Variants in GCNT2 observed in about 807,000 individuals in gnomAD.
GCNT2 encodes the protein glucosaminyl (N-acetyl) transferase 2 (I blood group).
GCNT2 carries 34 observed loss-of-function variants against 34.2 expected under a neutral mutation model. The observed-to-expected ratio is 1.00, with a 90% CI of 0.76 to 1.32. The LOEUF (loss-of-function observed/expected upper bound fraction) is 1.32. Ranked by LOEUF, GCNT2 falls within the 40% of genes most tolerant of loss-of-function variation. GCNT2 has a pLI of 0.00. For synonymous variants in GCNT2, 212 were observed against 188.0 expected, an observed-to-expected ratio of 1.13 and a Z score of -1.04; for missense variants, 584 against 489.4, an observed-to-expected ratio of 1.19 and a Z score of -1.82.
At chr6:10,616,271 A>C (rs1765756276) in intron 3 of GCNT2, among the ~76,000 whole-genome samples, 1 of 152,126 alleles carries the variant, frequency 6.6e-6, no homozygotes, top group South Asian at 2.1e-4. Context: ...AAAGTTGCAG[A>C]CCTTCGTGGT....
intron 3 of GCNT2, among the ~76,000 whole-genome samples, chr6:10,544,231 A>G (rs1236603496): frequency 6.6e-6 from 1 of 150,482 alleles, no homozygotes; most frequent in African/African-American, 2.4e-5. Context: ...GGAGAATTGC[A>G]TGAACCCAGG....
chr6:10,610,222 T>C (rs1007693549), intron 3 of GCNT2, among the ~76,000 whole-genome samples: 5 of 152,314 alleles, frequency 3.3e-5, no homozygotes, highest in Middle Eastern at 3.4e-3. Flanking sequence ...TCCTGTACTG[T>C]GCAAAATTTC....
chr6:10,537,714 A>AG (rs1761832452), intron 3 of GCNT2, among the ~76,000 whole-genome samples: 1 of 99,316 alleles, frequency 1.0e-5, no homozygotes, highest in Non-Finnish European at 2.4e-5. Context: ...AAAAAAAAAA[A>AG]AAAAAAAAAA....
At chr6:10,534,717 G>A (rs950879885) in intron 3 of GCNT2, among the ~76,000 whole-genome samples, 7 of 121,756 alleles carry the variant, frequency 5.7e-5, no homozygotes, top group African/African-American at 1.5e-4. Flanking sequence ...TCAAAAAATA[G>A]TCAGGCGTGG....
intron 3 of GCNT2, chr6:10,574,616 A>G (rs1321644499): frequency 4.8e-6 from 1 of 206,992 alleles, no homozygotes; most frequent in Non-Finnish European, 9.7e-6. Flanking sequence ...TATAATCTAG[A>G]GCAGAGATCA....
In GCNT2 at chr6:10,628,685, A is replaced by AC. The variant is rs1283050924; in HGVS notation, c.*2079dup. ...TGGTAAGGGAAGTTTAGATGAGGTC[A>AC]CGAGGGTAGGACCCTCATGATGGGA... is the stretch of plus-strand genomic sequence containing the variant. On this transcript the variant is annotated 3_prime_UTR_variant, in exon 5 of 5. Transcript: ENST00000495262. 6.6e-6 allele frequency: 1 copy of AC among 152,292 alleles called. No homozygotes were observed. The highest frequency in any genetic ancestry group is 1.9e-4 in the East Asian group (1 of 5,186). 9.4% of individuals were successfully genotyped at this position (152,292 alleles called of 1,614,324 possible).
chr6:10,582,292 T>TA (rs563894392), intron 3 of GCNT2, among the ~76,000 whole-genome samples: 123 of 85,584 alleles, frequency 1.4e-3, no homozygotes, highest in African/African-American at 5.9e-3. Flanking sequence ...ATATATAATA[T>TA]TACTATATAT....
chr6:10,593,954 G>A (rs1764747636), intron 3 of GCNT2, among the ~76,000 whole-genome samples: 1 of 152,196 alleles, frequency 6.6e-6, no homozygotes, highest in African/African-American at 2.4e-5. Flanking sequence ...ACTGGTGTTA[G>A]TTTACACTGA....
intron 3 of GCNT2, among the ~76,000 whole-genome samples, chr6:10,614,073 C>G (rs189677789): frequency 6.6e-6 from 1 of 152,194 alleles, no homozygotes; most frequent in East Asian, 1.9e-4. Flanking sequence ...TCAGCCCAAG[C>G]CAAATTAAAT....
intron 3 of GCNT2, among the ~76,000 whole-genome samples, chr6:10,580,253 C>T (rs1365808724): frequency 6.7e-6 from 1 of 149,182 alleles, no homozygotes; most frequent in Non-Finnish European, 1.5e-5. Flanking sequence ...TCCCCTGTGG[C>T]ATTAATTGCC....
intron 3 of GCNT2, among the ~76,000 whole-genome samples, chr6:10,530,826 G>A (rs1761452405): frequency 2.0e-5 from 3 of 152,086 alleles, no homozygotes; most frequent in Admixed American, 6.6e-5. Context: ...AGGCTGAAGT[G>A]GGCGGATCAC....
intron 3 of GCNT2, among the ~76,000 whole-genome samples, chr6:10,587,492 G>C (rs901012033): frequency 6.6e-6 from 1 of 152,194 alleles, no homozygotes; most frequent in African/African-American, 2.4e-5. Flanking sequence ...TGATATTTTA[G>C]CCTGGAGGAG....
At chr6:10,581,246 G>C (rs1296882683) in intron 3 of GCNT2, among the ~76,000 whole-genome samples, 1 of 152,046 alleles carries the variant, frequency 6.6e-6, no homozygotes, top group Non-Finnish European at 1.5e-5. Flanking sequence ...TTGGGGTTTT[G>C]TTTTATGTAT....
Position 10,626,887 on chromosome 6 carries a change from T to G in GCNT2, c.*280T>G, listed in dbSNP as rs1766281818. 1 of 425,008 alleles carries G rather than the reference T, an allele frequency of 2.4e-6. No individual in the cohort carries two copies. The highest frequency in any genetic ancestry group is 4.3e-6 in the Non-Finnish European group (1 of 230,494). The allele number at this position is 425,008 out of a possible 1,614,324, so 26.3% of individuals were successfully genotyped here. A position where few individuals can be genotyped will look rare whatever the true frequency, so the allele number is the denominator to read the frequency against. The stretch of plus-strand genomic sequence containing the variant: ...TTTATTGTTAGGATCAATGATAAAT[T>G]TAAATGACCTCAGATCTTTGCACCA... On this transcript the variant is annotated 3_prime_UTR_variant, in exon 5 of 5. Coordinates refer to ENST00000495262, the MANE Select transcript of GCNT2 (RefSeq NM_145649.5).
intron 3 of GCNT2, among the ~76,000 whole-genome samples, chr6:10,551,386 C>G (rs1208403829): frequency 2.0e-5 from 3 of 151,740 alleles, no homozygotes; most frequent in African/African-American, 7.3e-5. Flanking sequence ...AAACTTCTTT[C>G]CCCGCCTCTG....
At chr6:10,578,738 G>A (rs750080569) in intron 3 of GCNT2, among the ~76,000 whole-genome samples, 1 of 152,130 alleles carries the variant, frequency 6.6e-6, no homozygotes, top group Non-Finnish European at 1.5e-5. Context: ...GAGCCACTGC[G>A]CCCGGCCCGG....
At chr6:10,615,503 G>T in intron 3 of GCNT2, among the ~76,000 whole-genome samples, 1 of 152,020 alleles carries the variant, frequency 6.6e-6, no homozygotes, top group Middle Eastern at 3.2e-3. Context: ...TCATAGAGAT[G>T]GGATTTCTGT....
At chr6:10,557,904 C>T (rs1180030996) in intron 3 of GCNT2, 2 of 152,982 alleles carry the variant, frequency 1.3e-5, no homozygotes, top group South Asian at 2.1e-4. Context: ...CATCTTATTA[C>T]ATCTTTACCA....
chr6:10,584,438 G>A (rs9379521), intron 3 of GCNT2, among the ~76,000 whole-genome samples: 55,013 of 151,970 alleles, frequency 0.36, 11,630 homozygotes, highest in East Asian at 0.62. Flanking sequence ...GGAGACAGAC[G>A]CCTTCCTCTT....
Sources: allele counts gnomAD v4.1 joint callset (sites outside exome capture counted in the v4.1 genomes callset), GRCh38; gene constraint gnomAD v4.1.1; transcripts MANE v1.5; gene names NCBI Gene and HGNC (gene_info 2026-07-23, HGNC 2026-07-21).